The following NIPBL variants were observed in gnomAD, a reference collection of about 807,000 sequenced individuals.
NIPBL encodes the protein NIPBL cohesin loading factor.
NIPBL carries 19 observed loss-of-function variants against 321.8 expected under a neutral mutation model. That is an observed-to-expected ratio of 0.06 (90% CI 0.04 to 0.09). The LOEUF (loss-of-function observed/expected upper bound fraction) is 0.09. NIPBL is among the 10% of genes least tolerant of loss of function. NIPBL has a pLI of 1.00. For missense variants in NIPBL, 2,210 were observed against 3,327.0 expected, an observed-to-expected ratio of 0.66 and a Z score of 8.26; for synonymous variants, 1,106 against 1,114.1, an observed-to-expected ratio of 0.99 and a Z score of 0.14.
intron 1 of NIPBL, among the ~76,000 whole-genome samples, chr5:36,884,284 A>T (rs960761970): frequency 6.6e-6 from 1 of 152,082 alleles, no homozygotes; most frequent in South Asian, 2.1e-4. Flanking sequence ...ACTTTCCCTG[A>T]TGAAACCCAG....
chr5:36,929,900 T>G (rs1438388197), intron 1 of NIPBL, among the ~76,000 whole-genome samples: 1 of 152,066 alleles, frequency 6.6e-6, no homozygotes, highest in East Asian at 1.9e-4. Flanking sequence ...ATACAAAGAT[T>G]TATTTCTGGA....
intron 9 of NIPBL, among the ~76,000 whole-genome samples, chr5:36,984,457 TACTA>T (rs1746954751): frequency 6.6e-6 from 1 of 152,150 alleles, no homozygotes; most frequent in African/African-American, 2.4e-5. Flanking sequence ...AAATTCTTTT[TACTA>T]TATTTATTGA....
intron 1 of NIPBL, among the ~76,000 whole-genome samples, chr5:36,918,964 A>G (rs1748701702): frequency 6.6e-6 from 1 of 152,202 alleles, no homozygotes; most frequent in South Asian, 2.1e-4. Context: ...AATGTCCATC[A>G]GGGGTATTGG....
Position 36,949,538 on chromosome 5 carries a change from CA to C in NIPBL, c.-79-4077del, listed in dbSNP as rs529370385. 1.4e-4 allele frequency among the ~76,000 whole-genome samples: 21 copies of C among 151,888 alleles called. No homozygotes were observed. In the South Asian group the frequency reaches 4.1e-3, roughly 30 times the overall value. On this transcript the variant is annotated intron_variant, in intron 1 of 46. Transcript: ENST00000282516. ...AATTTATTACATAGTAAGTGCTGAG[CA>C]AACATGAGTTACCATTTCTATTTTT...
intron 24 of NIPBL, among the ~76,000 whole-genome samples, chr5:37,017,530 C>G (rs1310058623): frequency 6.6e-6 from 1 of 151,016 alleles, no homozygotes; most frequent in Admixed American, 6.6e-5. Context: ...CTTCTCATAC[C>G]AAGGAGGTGT....
At chr5:36,928,013 A>G (rs912939048) in intron 1 of NIPBL, among the ~76,000 whole-genome samples, 3 of 151,566 alleles carry the variant, frequency 2.0e-5, no homozygotes, top group Non-Finnish European at 4.4e-5. Flanking sequence ...ATTTTCTACC[A>G]CTTTCTTTCA....
intron 1 of NIPBL, among the ~76,000 whole-genome samples, chr5:36,950,381 ATTATT>A (rs1394790998): frequency 6.6e-6 from 1 of 152,006 alleles, no homozygotes; most frequent in African/African-American, 2.4e-5. Context: ...ATATATGTGC[ATTATT>A]TTATTTTATT....
intron 42 of NIPBL, among the ~76,000 whole-genome samples, chr5:37,055,892 T>G (rs1754037551): frequency 6.6e-6 from 1 of 151,758 alleles, no homozygotes; most frequent in Non-Finnish European, 1.5e-5. Context: ...GCACCTATAC[T>G]CCTAGCTACC....
intron 1 of NIPBL, among the ~76,000 whole-genome samples, chr5:36,896,283 C>A (rs1389249234): frequency 6.6e-6 from 1 of 152,156 alleles, no homozygotes; most frequent in African/African-American, 2.4e-5. Context: ...TTCCATCAGT[C>A]CATATGTCTG....
chr5:37,061,045 C>T, intron 45 of NIPBL, 27 bp downstream of exon 45: 1 of 1,598,328 alleles, frequency 6.3e-7, no homozygotes, highest in Non-Finnish European at 8.6e-7. Flanking sequence ...AAAGTTTTTA[C>T]TTCTCATAAG....
Position 37,048,596 on chromosome 5 carries a change from T to C in NIPBL, c.6684T>C (p.Asn2228=), listed in dbSNP as rs766363037. 6.2e-7 allele frequency: 1 copy of C among 1,603,974 alleles called. No homozygotes were observed. Among genetic ancestry groups the C allele is most frequent in the South Asian group, 1.1e-5 (1 of 89,896 alleles). The change falls in exon 39 of 47, where the codon AAT becomes AAC. Residue 2228 remains asparagine (N), a synonymous_variant. Coordinates refer to ENST00000282516, the MANE Select transcript of NIPBL (RefSeq NM_133433.4). ...TATCTGATAAGAACTCCTCAGTCAA[T>C]TTAAAAATACAAGTGTTAAAAAACC... ...NILSDKNSSV[N]LKIQVLKNLQ...
chr5:36,981,868 G>A (rs1372139056), intron 9 of NIPBL, among the ~76,000 whole-genome samples: 1 of 151,776 alleles, frequency 6.6e-6, no homozygotes, highest in Non-Finnish European at 1.5e-5. Context: ...AAGAGACCGG[G>A]ATTTTGGTAC....
rs565717003 is a variant in NIPBL, at chr5:36,890,453, T to C, written c.-80+13275T>C. On this transcript the variant is annotated intron_variant, in intron 1 of 46. Transcript: ENST00000282516. ...GATTCATTGTGTTTTTCATATAGAA[T>C]ACACACTTCCTATGAATATTATTAG... Among the ~76,000 whole-genome samples, 12 of 152,374 alleles carry C rather than the reference T, an allele frequency of 7.9e-5. No individual in the cohort carries two copies. In the South Asian group the frequency reaches 2.5e-3, roughly 32 times the overall value.
chr5:36,942,413 C>G (rs1371299326), intron 1 of NIPBL, among the ~76,000 whole-genome samples: 1 of 110,136 alleles, frequency 9.1e-6, no homozygotes, highest in Non-Finnish European at 1.7e-5. Flanking sequence ...GCCTGGGTGA[C>G]AGAGTGAGAC....
intron 1 of NIPBL, among the ~76,000 whole-genome samples, chr5:36,944,094 G>C (rs1580293892): frequency 6.6e-6 from 1 of 152,178 alleles, no homozygotes; most frequent in Non-Finnish European, 1.5e-5. Flanking sequence ...TTGTTGGAGA[G>C]AGATCATAGG....
chr5:37,017,622 A>T (rs1264057773), intron 24 of NIPBL, among the ~76,000 whole-genome samples: 11 of 150,218 alleles, frequency 7.3e-5, no homozygotes, highest in African/African-American at 2.7e-4. Flanking sequence ...TTTTTTTTTA[A>T]TGTGGATGAA....
In NIPBL at chr5:37,036,402, C is replaced by T. The variant is rs1271225539; in HGVS notation, c.5886C>T (p.Ser1962=). ...LQNLLKSEED[S]SYKPVKKACT... ...AGTTGTTGAAGTCCGAAGAGGATTC[C>T]TCATATAAACCTGTGAAGAAAGCTT... Residue 1962 remains serine (S), a synonymous_variant, in exon 33 of 47, where the codon TCC becomes TCT. Transcript: ENST00000282516. The T allele has an allele frequency of 2.2e-6, 3 of 1,378,088 alleles. No homozygotes were observed. The highest frequency in any genetic ancestry group is 2.9e-6 in the Non-Finnish European group (3 of 1,048,786). 85.4% of individuals were successfully genotyped at this position (1,378,088 alleles called of 1,614,324 possible).
intron 6 of NIPBL, among the ~76,000 whole-genome samples, chr5:36,963,424 TC>T (rs756418722): frequency 1.3e-5 from 2 of 152,104 alleles, no homozygotes; most frequent in Non-Finnish European, 2.9e-5. Flanking sequence ...AACTCTGGTT[TC>T]CCAAAACCAG....
chr5:37,045,033 CAT>C (rs1752829860), intron 36 of NIPBL, among the ~76,000 whole-genome samples: 3 of 152,138 alleles, frequency 2.0e-5, no homozygotes, highest in Admixed American at 2.0e-4. Context: ...TAATTCTAGA[CAT>C]ATTTAATATT....
Sources: gnomAD v4.1 joint callset for allele counts (sites outside exome capture counted in the v4.1 genomes callset) on GRCh38, gnomAD v4.1.1 for gene constraint, MANE v1.5 for transcripts, NCBI Gene and HGNC (gene_info 2026-07-23, HGNC 2026-07-21) for gene names.